PHF20: variants seen among roughly 807,000 people sequenced by gnomAD.
PHF20 encodes the protein glioma-expressed antigen 2.
Under a neutral mutation model 113.5 loss-of-function variants are expected in PHF20, and 23 were observed. That is an observed-to-expected ratio of 0.20 (90% CI 0.15 to 0.29). PHF20 has a LOEUF of 0.29. Among genes scored for constraint, PHF20 ranks in the 10% least tolerant of loss-of-function variants. The pLI, the probability that PHF20 is intolerant of heterozygous loss-of-function variation, is 1.00. For missense variants in PHF20, 943 were observed against 1,219.6 expected, an observed-to-expected ratio of 0.77 and a Z score of 3.38; for synonymous variants, 434 against 457.3, an observed-to-expected ratio of 0.95 and a Z score of 0.65.
intron 2 of PHF20, among the ~76,000 whole-genome samples, chr20:35,823,334 C>G (rs1379863890): frequency 6.6e-6 from 1 of 150,828 alleles, no homozygotes; most frequent in Non-Finnish European, 1.5e-5. Flanking sequence ...GGAATGGTGA[C>G]TCATGCCTAT....
intron 1 of PHF20, among the ~76,000 whole-genome samples, chr20:35,799,812 C>T (rs187743261): frequency 2.0e-5 from 3 of 152,180 alleles, no homozygotes; most frequent in Admixed American, 6.6e-5. Flanking sequence ...GGATTACAGG[C>T]GCCTGCCGCC....
intron 9 of PHF20, among the ~76,000 whole-genome samples, chr20:35,880,891 C>T (rs953270724): frequency 1.1e-4 from 17 of 151,864 alleles, no homozygotes; most frequent in Non-Finnish European, 1.5e-4. Flanking sequence ...GCTCGGGAGG[C>T]GGAGATTGCA....
intron 1 of PHF20, among the ~76,000 whole-genome samples, chr20:35,783,813 C>G (rs2041350978): frequency 6.6e-6 from 1 of 151,904 alleles, no homozygotes; most frequent in African/African-American, 2.4e-5. Context: ...GAAACCCCAT[C>G]TCTACTAAAA....
intron 2 of PHF20, among the ~76,000 whole-genome samples, chr20:35,831,265 TC>T (rs2042353738): frequency 6.6e-6 from 1 of 151,938 alleles, no homozygotes; most frequent in Admixed American, 6.6e-5. Context: ...GCTCCAGTGA[TC>T]CTCTCACCTC....
intron 1 of PHF20, among the ~76,000 whole-genome samples, chr20:35,800,946 C>T (rs2041769628): frequency 6.6e-6 from 1 of 152,276 alleles, no homozygotes; most frequent in South Asian, 2.1e-4. Flanking sequence ...TTGGCTCTGC[C>T]TTCCAAGTAG....
intron 13 of PHF20, among the ~76,000 whole-genome samples, chr20:35,920,885 T>C (rs754250253): frequency 3.9e-5 from 6 of 152,208 alleles, no homozygotes; most frequent in Non-Finnish European, 8.8e-5. Flanking sequence ...CATTTTTGAA[T>C]ATCAGAACCC....
At chr20:35,788,348 G>A (rs2041467731) in intron 1 of PHF20, among the ~76,000 whole-genome samples, 2 of 151,562 alleles carry the variant, frequency 1.3e-5, no homozygotes, top group Admixed American at 1.3e-4. Context: ...CACCCTCCTC[G>A]GCCTCCCAAA....
intron 2 of PHF20, among the ~76,000 whole-genome samples, chr20:35,814,363 G>A (rs932537766): frequency 6.6e-6 from 1 of 151,570 alleles, no homozygotes; most frequent in Non-Finnish European, 1.5e-5. Flanking sequence ...GACTACAGGC[G>A]CATGCCACCA....
At chr20:35,941,126 G>T (rs1033785490) in intron 17 of PHF20, 79 bp downstream of exon 17, 22 of 1,208,686 alleles carry the variant, frequency 1.8e-5, no homozygotes, top group Non-Finnish European at 2.4e-5. Flanking sequence ...GAACCCCCCA[G>T]TCTGAGTTTA....
At chr20:35,776,571 A>T (rs1202257536) in intron 1 of PHF20, among the ~76,000 whole-genome samples, 3 of 152,142 alleles carry the variant, frequency 2.0e-5, no homozygotes, top group South Asian at 2.1e-4. Context: ...TTTCCTTTCT[A>T]AGTGTGTTGG....
At chr20:35,890,603 G>A (rs1484962291) in intron 9 of PHF20, among the ~76,000 whole-genome samples, 1 of 152,166 alleles carries the variant, frequency 6.6e-6, no homozygotes, top group Non-Finnish European at 1.5e-5. Context: ...TTTGTGGCCA[G>A]GCACAGTGCC....
chr20:35,803,689 T>C (rs2041827722), intron 2 of PHF20, among the ~76,000 whole-genome samples: 1 of 147,466 alleles, frequency 6.8e-6, no homozygotes, highest in Non-Finnish European at 1.5e-5. Context: ...TATATATGTG[T>C]GTGTGTGTGT....
chr20:35,840,528 G>A (rs1187575294), intron 2 of PHF20, among the ~76,000 whole-genome samples: 3 of 152,134 alleles, frequency 2.0e-5, no homozygotes, highest in Non-Finnish European at 4.4e-5. Context: ...GTATCATCTT[G>A]AAAGGCCCAC....
intron 2 of PHF20, among the ~76,000 whole-genome samples, chr20:35,823,430 G>A (rs1186335334): frequency 2.0e-4 from 27 of 134,294 alleles, no homozygotes; most frequent in Non-Finnish European, 3.0e-4. Context: ...ATGGGACTTC[G>A]TCTCTCAAAA....
intron 2 of PHF20, among the ~76,000 whole-genome samples, chr20:35,812,868 G>T (rs1391291990): frequency 6.6e-6 from 1 of 152,100 alleles, no homozygotes; most frequent in Non-Finnish European, 1.5e-5. Context: ...GATAATCCCT[G>T]CCTGAATCAG....
chr20:35,940,782 A>T, intron 16 of PHF20, 82 bp from the exon 17 acceptor site: 1 of 1,135,308 alleles, frequency 8.8e-7, no homozygotes, highest in Non-Finnish European at 1.3e-6. Flanking sequence ...CTAGTATTTC[A>T]GGTGGCTGGA....
At chr20:35,855,061 G>C (rs776734551) in intron 4 of PHF20, among the ~76,000 whole-genome samples, 2 of 152,178 alleles carry the variant, frequency 1.3e-5, no homozygotes, top group Non-Finnish European at 2.9e-5. Context: ...TAAAATAGTT[G>C]AAAGTAGAGT....
chr20:35,947,371 C>A, intron 17 of PHF20, 114 bp from the exon 18 acceptor site: 2 of 1,081,716 alleles, frequency 1.8e-6, no homozygotes, highest in South Asian at 1.6e-5. Context: ...GCTGAAATGG[C>A]CCTTCCTCCC....
chr20:35,930,922 T>C (rs773642567), intron 14 of PHF20, among the ~76,000 whole-genome samples: 12 of 152,154 alleles, frequency 7.9e-5, no homozygotes, highest in Non-Finnish European at 1.5e-4. Flanking sequence ...GTATTCTCCT[T>C]TGAGCAGTAG....
Sources: gnomAD v4.1 joint callset for allele counts (sites outside exome capture counted in the v4.1 genomes callset) on GRCh38, gnomAD v4.1.1 for gene constraint, MANE v1.5 for transcripts, NCBI Gene and HGNC (gene_info 2026-07-23, HGNC 2026-07-21) for gene names.